Variants in FN1 observed in about 807,000 individuals in gnomAD.
FN1 encodes fibronectin.
A neutral mutation model predicts 297.3 loss-of-function variants in FN1; 106 were observed. The observed-to-expected ratio is 0.36, with a 90% CI of 0.30 to 0.42. The LOEUF (loss-of-function observed/expected upper bound fraction) is 0.42. Among genes scored for constraint, FN1 ranks in the 10% least tolerant of loss-of-function variants. The pLI is 1.00. For missense variants in FN1, 2,690 were observed against 3,124.9 expected (o/e 0.86, Z 3.32); for synonymous variants, 1,149 against 1,152.6 (o/e 1.00, Z 0.06).
intron 29 of FN1, 58 bp from the exon 30 acceptor site, chr2:215,384,242 T>G (rs1463967045): frequency 2.0e-6 from 3 of 1,498,804 alleles, no homozygotes; most frequent in Non-Finnish European, 2.8e-6. Flanking sequence ...TGGGTATTAC[T>G]GATTAATTGA....
intron 4 of FN1, 128 bp from the exon 5 acceptor site, chr2:215,430,980 G>T: frequency 1.1e-6 from 1 of 913,124 alleles, no homozygotes. Flanking sequence ...ACTCTGTTCA[G>T]AAAGAATGAC....
At chr2:215,419,644 G>T (rs191357153) in intron 11 of FN1, among the ~76,000 whole-genome samples, 1 of 151,320 alleles carries the variant, frequency 6.6e-6, no homozygotes, top group African/African-American at 2.4e-5. Context: ...TAAAGATTTA[G>T]ATTTCAGTGT....
At chr2:215,431,234 A>G (rs777409555) in intron 4 of FN1, among the ~76,000 whole-genome samples, 7 of 152,228 alleles carry the variant, frequency 4.6e-5, no homozygotes, top group Non-Finnish European at 7.3e-5. Context: ...TGGCCTAAAT[A>G]CAATGACAAA....
Position 215,367,913 on chromosome 2 carries a change from AAC to A in FN1, c.6966_6967del (p.Leu2323ValfsTer14). On this transcript the variant is annotated frameshift_variant, in exon 42 of 46. Transcript: ENST00000354785. LOFTEE classifies it high-confidence loss of function. The stretch of plus-strand genomic sequence containing the variant: ...ACTTCCAAAGCCTAAGCACTGGCAC[AAC>A]AGTTTAAAGCCTGATTCAGACATTC... The A allele has an allele frequency of 6.2e-7, 1 of 1,614,184 alleles. No homozygotes were observed. The highest frequency in any genetic ancestry group is 8.5e-7 in the Non-Finnish European group (1 of 1,180,010).
Position 215,376,652 on chromosome 2 carries a change from A to C in FN1, c.5733T>G (p.Ala1911=). The change falls in exon 36 of 46, where the codon GCT becomes GCG. Residue 1911 remains alanine, a synonymous_variant. Transcript: ENST00000354785. ...TGGTCTCAGTAGCATCTGTCACACGAGCCCTTCTTGGTGGGCTGACATCTG... is the reference window on the plus strand; with the variant it reads ...TGGTCTCAGTAGCATCTGTCACACGCGCCCTTCTTGGTGGGCTGACATCTG... ...TLENVSPPRR[A]RVTDATETTI... 6.2e-7 allele frequency: 1 copy of C among 1,611,832 alleles called. No homozygotes were observed.
chr2:215,375,680 T>A lies in FN1; in HGVS notation c.5926A>T (p.Thr1976Ser), dbSNP rs1410681969. 1.2e-6 allele frequency: 2 copies of A among 1,613,536 alleles called. No homozygotes were observed. The highest frequency in any genetic ancestry group is 1.7e-6 in the Non-Finnish European group (2 of 1,179,484). Residue 1976 changes from threonine to serine, a missense_variant, in exon 37 of 46, where the codon ACC (threonine) becomes TCC (serine). Around this residue, in one of 3 missense-constraint regions of FN1, gnomAD observed 1,743 missense variants for 1,945.2 expected, o/e 0.90. Transcript: ENST00000354785. The stretch of plus-strand genomic sequence containing the variant: ...GAGCTCCGAGCATTGTCATTCAAGG[T>A]GTACAGGTAGATCTTGTAGTCAGTG... ...PGTDYKIYLYTLNDNARSSPV... is the reference protein window; with the variant it reads ...PGTDYKIYLYSLNDNARSSPV...
chr2:215,410,198 A>G, intron 13 of FN1, 84 bp from the exon 14 acceptor site: 1 of 1,420,910 alleles, frequency 7.0e-7, no homozygotes, highest in South Asian at 1.2e-5. Context: ...AGTAATCTTC[A>G]AAGAAAAATG....
intron 6 of FN1, among the ~76,000 whole-genome samples, chr2:215,425,914 T>C (rs1430752252): frequency 6.6e-6 from 1 of 151,950 alleles, no homozygotes; most frequent in East Asian, 2.0e-4. Flanking sequence ...TGCCACTCCA[T>C]ACAGCAGATA....
chr2:215,367,369 C>T (rs973845877), intron 42 of FN1, among the ~76,000 whole-genome samples: 2 of 152,124 alleles, frequency 1.3e-5, no homozygotes, highest in Admixed American at 1.3e-4. Flanking sequence ...TTTCTAGCAA[C>T]GTTCAAGCTA....
chr2:215,365,696 T>C (rs558342485), intron 42 of FN1, 66 bp from the exon 43 acceptor site: 1 of 1,531,280 alleles, frequency 6.5e-7, no homozygotes, highest in East Asian at 2.3e-5. Context: ...AGACAGTAGG[T>C]GAACTGGGAC....
intron 26 of FN1, among the ~76,000 whole-genome samples, chr2:215,390,456 A>G (rs1236715155): frequency 6.6e-6 from 1 of 152,176 alleles, no homozygotes; most frequent in East Asian, 1.9e-4. Flanking sequence ...AAGTGCTGGG[A>G]TTATACAGGC....
chr2:215,395,092 C>T (rs1448383622), intron 23 of FN1, among the ~76,000 whole-genome samples: 1 of 152,096 alleles, frequency 6.6e-6, no homozygotes, highest in African/African-American at 2.4e-5. Flanking sequence ...CCCTGCTTTT[C>T]CTTAATGAAT....
intron 39 of FN1, among the ~76,000 whole-genome samples, chr2:215,372,963 TGA>T (rs1323154636): frequency 6.6e-6 from 1 of 152,194 alleles, no homozygotes; most frequent in Non-Finnish European, 1.5e-5. Flanking sequence ...AAGATAAATG[TGA>T]GAGGTTTCTC....
intron 40 of FN1, among the ~76,000 whole-genome samples, chr2:215,371,468 A>ATCTT (rs10679143): frequency 0.68 from 101,471 of 150,290 alleles, 34,999 homozygotes; most frequent in Non-Finnish European, 0.72. Flanking sequence ...CAGGTAGAAT[A>ATCTT]TCTTTCTTTT....
chr2:215,417,354 A>G (rs2063583631), intron 12 of FN1, among the ~76,000 whole-genome samples: 1 of 152,238 alleles, frequency 6.6e-6, no homozygotes, highest in South Asian at 2.1e-4. Context: ...AGTTTCAAAT[A>G]AAGTCTAAAT....
intron 30 of FN1, 113 bp from the exon 31 acceptor site, chr2:215,383,596 G>A: frequency 9.0e-7 from 1 of 1,114,272 alleles, no homozygotes; most frequent in Admixed American, 1.8e-5. Context: ...ACATGAGAAA[G>A]GTATTTCTTC....
chr2:215,391,082 T>C (rs1275871334), intron 26 of FN1, among the ~76,000 whole-genome samples: 2 of 152,238 alleles, frequency 1.3e-5, no homozygotes, highest in African/African-American at 4.8e-5. Context: ...TCAGTTTTTT[T>C]TCTAAGCTCT....
In FN1 at chr2:215,413,932, AG is replaced by A. The variant is rs560971548; in HGVS notation, c.1941+904del. The stretch of plus-strand genomic sequence containing the variant: ...CTTTCCACTAATTTTCTGGGCACCT[AG>A]GAGGCCCTTTTAAATCTGAAAAATT... On this transcript the variant is annotated intron_variant, in intron 13 of 45. Transcript: ENST00000354785. Among the ~76,000 whole-genome samples, 1,112 of 152,292 alleles carry A rather than the reference AG, an allele frequency of 7.3e-3. 15 individuals are homozygous for A. Among genetic ancestry groups the A allele is most frequent in the African/African-American group, 0.025 (1,024 of 41,564 alleles).
chr2:215,433,112 G>A (rs1023938310), intron 3 of FN1, among the ~76,000 whole-genome samples: 1 of 151,992 alleles, frequency 6.6e-6, no homozygotes, highest in Non-Finnish European at 1.5e-5. Context: ...ACTCATAAAC[G>A]CACACACATC....
Sources: gnomAD v4.1 joint callset for allele counts (sites outside exome capture counted in the v4.1 genomes callset) on GRCh38, gnomAD v4.1.1 for gene constraint, gnomAD v4.1.1 regional missense constraint, MANE v1.5 for transcripts, NCBI Gene and HGNC (gene_info 2026-07-23, HGNC 2026-07-21) for gene names.